Variants in VPS13D observed in about 807,000 individuals in gnomAD.
VPS13D encodes the protein vacuolar protein sorting 13 homolog D, also known as intermembrane lipid transfer protein VPS13D.
A neutral mutation model predicts 461.9 loss-of-function variants in VPS13D; 187 were observed. The observed-to-expected ratio is 0.40, with a 90% CI of 0.36 to 0.46. VPS13D has a LOEUF of 0.46. Among genes scored for constraint, VPS13D ranks in the 20% least tolerant of loss-of-function variants. VPS13D has a pLI of 0.60. For synonymous variants in VPS13D, 1,951 were observed against 1,986.3 expected, an observed-to-expected ratio of 0.98 and a Z score of 0.47; for missense variants, 4,711 against 5,364.9, an observed-to-expected ratio of 0.88 and a Z score of 3.81.
In VPS13D at chr1:12,282,943, C is replaced by A; in HGVS notation, c.4841C>A (p.Ser1614Tyr). ...QKSLSVKEVKSFTQIQATFCI... is the reference protein window; with the variant it reads ...QKSLSVKEVKYFTQIQATFCI... The stretch of plus-strand genomic sequence containing the variant: ...TCATTGTCAGTGAAGGAAGTCAAAT[C>A]CTTTACTCAGATTCAAGCCACCTTT... The change falls in exon 21 of 70, where the codon TCC becomes TAC. Residue 1614 changes from serine to tyrosine, a missense_variant. Physicochemically the swap from Ser to Tyr is moderately radical, Grantham distance 144 (BLOSUM62 -2). Around this residue, in one of 3 missense-constraint regions of VPS13D, gnomAD observed 4,411 missense variants for 4,937.8 expected, o/e 0.89. Transcript: ENST00000620676. The A allele has an allele frequency of 6.2e-7, 1 of 1,614,126 alleles. No individual in the cohort carries two copies. Among genetic ancestry groups the A allele is most frequent in the Admixed American group, 1.7e-5 (1 of 60,002 alleles).
intron 63 of VPS13D, among the ~76,000 whole-genome samples, 192 bp from the exon 64 acceptor site, chr1:12,414,895 C>G (rs1644774695): frequency 6.6e-6 from 1 of 152,190 alleles, no homozygotes; most frequent in African/African-American, 2.4e-5. Context: ...TGATATATGT[C>G]TGTCTATATA....
chr1:12,316,794 C>T (rs191958591), intron 30 of VPS13D, among the ~76,000 whole-genome samples: 309 of 152,146 alleles, frequency 2.0e-3, no homozygotes, highest in Admixed American at 2.3e-3. Flanking sequence ...CAAGTTCAAC[C>T]CAGAAAACCG....
At chr1:12,440,639 G>T (rs1372286113) in intron 65 of VPS13D, among the ~76,000 whole-genome samples, 1 of 152,190 alleles carries the variant, frequency 6.6e-6, no homozygotes, top group African/African-American at 2.4e-5. Flanking sequence ...ACTTTGTGGG[G>T]CTGAGGTGGG....
chr1:12,280,813 C>G (rs1025543923), intron 20 of VPS13D, among the ~76,000 whole-genome samples: 1 of 151,780 alleles, frequency 6.6e-6, no homozygotes, highest in African/African-American at 2.4e-5. Flanking sequence ...TTTATGGTTA[C>G]CATTGACTTA....
At chr1:12,393,608 A>G (rs1394781834) in intron 60 of VPS13D, among the ~76,000 whole-genome samples, 2 of 152,242 alleles carry the variant, frequency 1.3e-5, no homozygotes, top group Non-Finnish European at 2.9e-5. Flanking sequence ...GAGTTGAACA[A>G]GGATGTGGTG....
At chr1:12,447,422 G>A (rs1180696435) in intron 65 of VPS13D, among the ~76,000 whole-genome samples, 2 of 152,146 alleles carry the variant, frequency 1.3e-5, no homozygotes, top group Non-Finnish European at 1.5e-5. Flanking sequence ...ATATTTCATT[G>A]ATGAGAGGCC....
At chr1:12,469,632 G>A (rs1645537725) in intron 67 of VPS13D, among the ~76,000 whole-genome samples, 1 of 152,222 alleles carries the variant, frequency 6.6e-6, no homozygotes, top group Admixed American at 6.5e-5. Flanking sequence ...TAAACCGTAG[G>A]AGCCGCTGTA....
At position 12,358,602 on chromosome 1, in the gene VPS13D, G is replaced by T. The variant is rs1643908374; in HGVS notation, c.10141+1G>T. On this transcript the variant is annotated splice_donor_variant, in intron 50 of 69. Coordinates refer to ENST00000620676, the MANE Select transcript of VPS13D (RefSeq NM_015378.4). LOFTEE classifies it high-confidence loss of function. ...CGCCCAGGGCTGATCTATAACATTG[G>T]TGGGTTACATTTGGGGCAGCGGGAC... 6.2e-7 allele frequency: 1 copy of T among 1,613,726 alleles called. No individual in the cohort carries two copies. The highest frequency in any genetic ancestry group is 8.5e-7 in the Non-Finnish European group (1 of 1,179,856).
At chr1:12,269,623 G>A (rs1641374208) in intron 16 of VPS13D, among the ~76,000 whole-genome samples, 1 of 152,204 alleles carries the variant, frequency 6.6e-6, no homozygotes, top group Non-Finnish European at 1.5e-5. Flanking sequence ...AGTTGTAAAT[G>A]TAATCACTGA....
rs375914306 is a variant in VPS13D, at chr1:12,311,763, T to G, written c.6823-50T>G. 2,605 of 1,593,144 alleles carry G rather than the reference T, an allele frequency of 1.6e-3. 4 individuals carry two copies. Among genetic ancestry groups the G allele is most frequent in the Non-Finnish European group, 2.1e-3 (2,478 of 1,166,220 alleles). On this transcript the variant is annotated intron_variant, in intron 28 of 69. Transcript: ENST00000620676. ...AGATTTCTTGGCGTATGAGCCTGTT[T>G]TTAGGATGGCATCATCAGCTGTGGA...
At position 12,358,409 on chromosome 1, in the gene VPS13D, A is replaced by G. The variant is rs200698719; in HGVS notation, c.9999-50A>G. ...TGTTTCCCAATTAGAACAGGCAGAT[A>G]AGACTTTCTTGTGGATGAATATCTA... On this transcript the variant is annotated intron_variant, in intron 49 of 69. Transcript: ENST00000620676. 18 of 1,605,334 alleles carry G rather than the reference A, an allele frequency of 1.1e-5. No individual in the cohort carries two copies. In the East Asian group the frequency reaches 3.6e-4, roughly 32 times the overall value.
intron 27 of VPS13D, among the ~76,000 whole-genome samples, chr1:12,309,464 A>C (rs1044295725): frequency 6.6e-6 from 1 of 150,886 alleles, no homozygotes; most frequent in East Asian, 2.0e-4. Context: ...CTGCCTTGGC[A>C]TGCCCGCCTT....
chr1:12,322,055 T>C, intron 33 of VPS13D, 91 bp downstream of exon 33: 1 of 1,508,926 alleles, frequency 6.6e-7, no homozygotes. Context: ...CAACAACCTC[T>C]TTTTTTGTTT....
At position 12,388,154 on chromosome 1, in the gene VPS13D, G is replaced by T. The variant is rs116873498; in HGVS notation, c.11634+1820G>T. On this transcript the variant is annotated intron_variant, in intron 60 of 69. Coordinates refer to ENST00000620676, the MANE Select transcript of VPS13D (RefSeq NM_015378.4). ...GAAGGGGAGAAATGGAAGTCTATTA[G>T]TGTAATCTTATACATGATGTGGTAT... Among the ~76,000 whole-genome samples the T allele has an allele frequency of 5.8e-4, 89 of 152,308 alleles. No individual in the cohort carries two copies. The East Asian group carries it at 0.016, about 27-fold the overall frequency.
At chr1:12,336,677 T>C (rs1036169307) in intron 39 of VPS13D, 1 of 152,234 alleles carries the variant, frequency 6.6e-6, no homozygotes, top group Non-Finnish European at 1.5e-5. Context: ...AAGTGGACTT[T>C]CTGTCTGCCT....
intron 65 of VPS13D, among the ~76,000 whole-genome samples, chr1:12,420,933 G>A (rs898006404): frequency 2.6e-5 from 4 of 152,150 alleles, no homozygotes; most frequent in Non-Finnish European, 5.9e-5. Flanking sequence ...GTGGATAGAT[G>A]CACAAATTTT....
chr1:12,485,571 AT>A (rs1048551938), intron 67 of VPS13D, among the ~76,000 whole-genome samples: 6 of 152,142 alleles, frequency 3.9e-5, no homozygotes, highest in African/African-American at 1.4e-4. Context: ...TGCTTTACAA[AT>A]TTTCAGCTTT....
chr1:12,366,366 T>G (rs550602956), intron 52 of VPS13D, among the ~76,000 whole-genome samples: 1 of 152,314 alleles, frequency 6.6e-6, no homozygotes, highest in South Asian at 2.1e-4. Context: ...TTTAAGGAGG[T>G]GACTCTAGTG....
chr1:12,265,975 A>G (rs1641255475), intron 13 of VPS13D, among the ~76,000 whole-genome samples: 1 of 152,180 alleles, frequency 6.6e-6, no homozygotes, highest in African/African-American at 2.4e-5. Context: ...CCTGGGCAAC[A>G]TAGCAAGACC....
Sources: allele counts gnomAD v4.1 joint callset (sites outside exome capture counted in the v4.1 genomes callset), GRCh38; gene constraint gnomAD v4.1.1; regional missense constraint gnomAD v4.1.1; transcripts MANE v1.5; gene names NCBI Gene and HGNC (gene_info 2026-07-23, HGNC 2026-07-21).